The following ABR variants were observed in gnomAD, a reference collection of about 807,000 sequenced individuals.
ABR encodes ABR activator of RhoGEF and GTPase.
ABR carries 35 observed loss-of-function variants against 107.2 expected under a neutral mutation model. That is an observed-to-expected ratio of 0.33 (90% CI 0.25 to 0.43). The LOEUF is 0.43. ABR is among the 20% of genes least tolerant of loss of function. ABR has a pLI of 1.00. For synonymous variants in ABR, 498 were observed against 462.0 expected, an observed-to-expected ratio of 1.08 and a Z score of -1.00; for missense variants, 815 against 1,115.2, an observed-to-expected ratio of 0.73 and a Z score of 3.83.
At chr17:1,147,838 G>GCAGC (rs1417855709) in intron 1 of ABR, among the ~76,000 whole-genome samples, 3 of 152,202 alleles carry the variant, frequency 2.0e-5, no homozygotes, top group African/African-American at 7.2e-5. Flanking sequence ...ATGGCAAGCT[G>GCAGC]CAGCCGCCCT....
intron 1 of ABR, among the ~76,000 whole-genome samples, chr17:1,199,249 G>C (rs1010919915): frequency 6.6e-6 from 1 of 150,942 alleles, no homozygotes; most frequent in East Asian, 1.9e-4. Flanking sequence ...AACAGAGGCA[G>C]TGAGCCAGGG....
At chr17:1,108,802 C>T (rs1233050230) in intron 2 of ABR, 19 of 738,490 alleles carry the variant, frequency 2.6e-5, no homozygotes, top group Non-Finnish European at 3.3e-5. Flanking sequence ...GAACAGCTGC[C>T]GGGGCCGGGA....
intron 1 of ABR, among the ~76,000 whole-genome samples, chr17:1,138,539 A>G (rs2040170150): frequency 6.6e-6 from 1 of 151,948 alleles, no homozygotes; most frequent in African/African-American, 2.4e-5. Context: ...GTGCAGTGGC[A>G]CAAACATAGC....
Position 1,011,939 on chromosome 17 carries a change from C to T in ABR, c.2008G>A (p.Glu670Lys). Reference protein sequence around the residue: ...VPYIVRQCVEEVEKRGIEEVG... With the variant: ...VPYIVRQCVEKVEKRGIEEVG... Reference sequence around the variant, plus strand: ...TCCTCGATACCCCTCTTCTCCACCTCCTCCACACACTGCCGGACGATGTAG... The same window carrying T: ...TCCTCGATACCCCTCTTCTCCACCTTCTCCACACACTGCCGGACGATGTAG... The change falls in exon 19 of 23, where the codon GAG (glutamate) becomes AAG (lysine). Residue 670 changes from glutamate to lysine, a missense_variant. By Grantham distance (56) the Glu-to-Lys change is moderately conservative. Transcript: ENST00000302538. This position sits in a 1 kb window ranked among gnomAD's most constrained non-coding sequence, Gnocchi z 4.8. 6.2e-7 allele frequency: 1 copy of T among 1,613,618 alleles called. No homozygotes were observed. Among genetic ancestry groups the T allele is most frequent in the South Asian group, 1.1e-5 (1 of 91,050 alleles).
chr17:1,202,014 A>G (rs893979828), intron 1 of ABR, among the ~76,000 whole-genome samples: 1 of 152,090 alleles, frequency 6.6e-6, no homozygotes, highest in African/African-American at 2.4e-5. Flanking sequence ...AAGCAACGCT[A>G]TTCTTCATAA....
At chr17:1,155,541 G>C (rs535149261) in intron 1 of ABR, among the ~76,000 whole-genome samples, 1 of 152,174 alleles carries the variant, frequency 6.6e-6, no homozygotes, top group Admixed American at 6.5e-5. Flanking sequence ...CAGAGAGCAC[G>C]GGGGAACCGC....
chr17:1,029,266 G>A (rs1390623099), intron 16 of ABR, among the ~76,000 whole-genome samples: 2 of 151,968 alleles, frequency 1.3e-5, no homozygotes, highest in Non-Finnish European at 2.9e-5. Flanking sequence ...TGAGGCTTTG[G>A]CCCCTGAACT....
chr17:1,140,035 G>A (rs1056268615), intron 1 of ABR, among the ~76,000 whole-genome samples: 2 of 152,174 alleles, frequency 1.3e-5, no homozygotes, highest in East Asian at 1.9e-4. Flanking sequence ...TTTCACGCAC[G>A]CTGGGAGCCA....
rs2041693447 is a variant in ABR, at chr17:1,171,089, C to T, written c.61+8578G>A. 3.3e-5 allele frequency among the ~76,000 whole-genome samples: 5 copies of T among 152,286 alleles called. No homozygotes were observed. In the South Asian group the frequency reaches 1.0e-3, roughly 32 times the overall value. On this transcript the variant is annotated intron_variant, in intron 1 of 22. Transcript: ENST00000302538. The stretch of plus-strand genomic sequence containing the variant: ...AAACTTTGCCTCCAAGGGAGAGACT[C>T]CCTCAAAAAGATGACGTATGGGCTG...
rs1043688916 is a variant in ABR at position 1,051,385 on chromosome 17, C to T, written c.1562-751G>A. 6.6e-6 allele frequency among the ~76,000 whole-genome samples: 1 copy of T among 152,100 alleles called. No individual in the cohort carries two copies. Among genetic ancestry groups the T allele is most frequent in the Non-Finnish European group, 1.5e-5 (1 of 68,010 alleles). On this transcript the variant is annotated intron_variant, in intron 14 of 22. Transcript: ENST00000302538. The surrounding 1 kb of genome is among the most constrained non-coding windows in gnomAD (Gnocchi z 4.3). ...GGCACACGGTGAACGAGGCTCCCAC[C>T]ACCACCAAGCGCTCCAGGTAACAAG...
chr17:1,011,346 G>C lies in ABR; in HGVS notation c.2102-483C>G, dbSNP rs2070525618. The C allele has an allele frequency of 5.5e-6, 1 of 180,910 alleles. No individual in the cohort carries two copies. Among genetic ancestry groups the C allele is most frequent in the South Asian group, 1.2e-4 (1 of 8,464 alleles). 11.2% of individuals were successfully genotyped at this position (180,910 alleles called of 1,614,324 possible). A position where few individuals can be genotyped will look rare whatever the true frequency, so the allele number is the denominator to read the frequency against. On this transcript the variant is annotated intron_variant, in intron 19 of 22. Coordinates refer to ENST00000302538, the MANE Select transcript of ABR (RefSeq NM_021962.5). The surrounding 1 kb of genome is among the most constrained non-coding windows in gnomAD (Gnocchi z 4.8). ...CTCCCCACGGATTCATCCCTGCCTG[G>C]CCAGTGCAGGTTTCTTGACAGTGGG...
In ABR at chr17:1,179,649, C is replaced by A. The variant is rs750144409; in HGVS notation, c.61+18G>T. On this transcript the variant is annotated intron_variant, in intron 1 of 22. Transcript: ENST00000302538. The surrounding 1 kb of genome is among the most constrained non-coding windows in gnomAD (Gnocchi z 4.9). The stretch of plus-strand genomic sequence containing the variant: ...CCGATCCCGATCCTGGGGTCCCGCC[C>A]CCGCCCGGCACACGTACTGCTGTAG... The A allele has an allele frequency of 6.6e-7, 1 of 1,525,636 alleles. No homozygotes were observed. The highest frequency in any genetic ancestry group is 8.8e-7 in the Non-Finnish European group (1 of 1,135,770). The allele number at this position is 1,525,636 out of a possible 1,614,324, so 94.5% of individuals were successfully genotyped here.
intron 2 of ABR, among the ~76,000 whole-genome samples, chr17:1,103,806 G>T (rs1344159359): frequency 6.6e-6 from 1 of 152,170 alleles, no homozygotes; most frequent in Non-Finnish European, 1.5e-5. Flanking sequence ...TGGGAAATTA[G>T]CCTCGGTGCA....
At chr17:1,125,809 C>T (rs1336685241) in intron 1 of ABR, 1 of 190,650 alleles carries the variant, frequency 5.2e-6, no homozygotes, top group East Asian at 1.3e-4. Flanking sequence ...TGGCCCTCCT[C>T]CTTGGGTACC....
exon 1 of ABR, among the ~76,000 whole-genome samples, chr17:1,229,482 G>A (rs2150779449): frequency 6.6e-6 from 1 of 152,018 alleles, no homozygotes; most frequent in Admixed American, 6.5e-5. Flanking sequence ...CTGCTCCTCC[G>A]CCAGCACCTG....
chr17:1,208,092 T>C (rs370447865), intron 1 of ABR, among the ~76,000 whole-genome samples: 140 of 152,216 alleles, frequency 9.2e-4, no homozygotes, highest in African/African-American at 2.2e-3. Flanking sequence ...TTTGGGGCCA[T>C]TGATATCAGA....
In ABR at chr17:1,148,269, C is replaced by T. The variant is rs1421294648; in HGVS notation, c.62-22902G>A. ...AACGGATATTATTCGGCTTATATTC[C>T]GACACAGGCCAATTCTGACATCGAT... On this transcript the variant is annotated intron_variant, in intron 1 of 22. Transcript: ENST00000302538. The surrounding 1 kb of genome is among the most constrained non-coding windows in gnomAD (Gnocchi z 4.9). 5.9e-5 allele frequency among the ~76,000 whole-genome samples: 9 copies of T among 152,172 alleles called. No homozygotes were observed. The highest frequency in any genetic ancestry group is 6.5e-5 in the Admixed American group (1 of 15,280).
Position 1,203,433 on chromosome 17 carries a change from G to GGGGGC in ABR, c.838+25359_838+25360insGCCCC, listed in dbSNP as rs1447812180. Among the ~76,000 whole-genome samples the GGGGGC allele has an allele frequency of 4.5e-5, 4 of 89,846 alleles. 1 individual carries two copies. Among genetic ancestry groups the GGGGGC allele is most frequent in the Admixed American group, 1.1e-4 (1 of 9,240 alleles). 58.9% of individuals were successfully genotyped at this position (89,846 alleles called of 152,430 possible). ...GGAGTCTGCGGGGGCGGGGCCCGCGGGGACGGAGTCTGCGGGGGCGGGGCC... is the reference window on the plus strand; with the variant it reads ...GGAGTCTGCGGGGGCGGGGCCCGCGGGGGGCGGACGGAGTCTGCGGGGGCGGGGCC... On this transcript the variant is annotated intron_variant, in intron 1 of 22. Transcript: ENST00000574139.
chr17:1,063,726 A>G (rs9910820), intron 10 of ABR, among the ~76,000 whole-genome samples: 135 of 101,034 alleles, frequency 1.3e-3, no homozygotes, highest in African/African-American at 3.1e-3. Flanking sequence ...TCCTCCAGAC[A>G]CTGTTGTTAT....
Sources: allele counts gnomAD v4.1 joint callset (sites outside exome capture counted in the v4.1 genomes callset), GRCh38; gene constraint gnomAD v4.1.1; non-coding constraint Gnocchi (gnomAD v3.1); transcripts MANE v1.5; gene names NCBI Gene and HGNC (gene_info 2026-07-23, HGNC 2026-07-21).